BANK1: variants seen among roughly 807,000 people sequenced by gnomAD.
The protein encoded by BANK1 is B cell scaffold protein with ankyrin repeats 1.
A neutral mutation model predicts 94.5 loss-of-function variants in BANK1; 95 were observed. The ratio of observed to expected loss-of-function variants is 1.00; its 90% CI spans 0.85 to 1.19. The LOEUF (loss-of-function observed/expected upper bound fraction) is 1.19. Among genes scored for constraint, BANK1 ranks in the 50% most tolerant of loss-of-function variants. The probability of loss-of-function intolerance (pLI) is 0.00; values close to 1 mark genes in which losing one functional copy is unlikely to be tolerated. For synonymous variants in BANK1, 334 were observed against 308.4 expected (o/e 1.08, Z -0.87); for missense variants, 987 against 932.2 (o/e 1.06, Z -0.77).
At chr4:101,909,553 C>CA (rs930361178) in intron 6 of BANK1, among the ~76,000 whole-genome samples, 6 of 151,966 alleles carry the variant, frequency 3.9e-5, no homozygotes, top group Admixed American at 2.0e-4. Flanking sequence ...CACACACACA[C>CA]AAAAAAATGC....
chr4:102,059,359 G>A (rs752314987), intron 11 of BANK1, among the ~76,000 whole-genome samples: 1 of 152,162 alleles, frequency 6.6e-6, no homozygotes, highest in Non-Finnish European at 1.5e-5. Flanking sequence ...AAAGTATGTT[G>A]CACTTAATGG....
chr4:101,986,818 TATGTGTATATATATGTATATA>T (rs1725499299), intron 7 of BANK1, among the ~76,000 whole-genome samples: 1 of 137,384 alleles, frequency 7.3e-6, no homozygotes. Context: ...TATGTATATA[TATGTGTATATATATGTATATA>T]TATGTGTATA....
At chr4:101,986,897 G>GTATATATATATATATATATA (rs1377407537) in intron 7 of BANK1, among the ~76,000 whole-genome samples, 3 of 58,034 alleles carry the variant, frequency 5.2e-5, no homozygotes, top group East Asian at 3.6e-4. Context: ...GTGTGTGTGT[G>GTATATATATATATATATATA]TGTATATATA....
Position 101,790,806 on chromosome 4 carries a change from G to T in BANK1, c.-75G>T. The T allele has an allele frequency of 2.1e-6, 3 of 1,423,476 alleles. No individual in the cohort carries two copies. The highest frequency in any genetic ancestry group is 2.9e-6 in the Non-Finnish European group (3 of 1,044,988). 88.2% of individuals were successfully genotyped at this position (1,423,476 alleles called of 1,614,324 possible). A position where few individuals can be genotyped will look rare whatever the true frequency, so the allele number is the denominator to read the frequency against. ...GGCCAAAGGAAGAGAAAATCGCGGG[G>T]AGTCTCTGGCCGGGAGAGTCCAGGT... On this transcript the variant is annotated 5_prime_UTR_variant, in exon 1 of 17. Transcript: ENST00000322953.
chr4:102,069,648 G>A (rs562814434), intron 13 of BANK1, among the ~76,000 whole-genome samples: 1 of 152,280 alleles, frequency 6.6e-6, no homozygotes, highest in East Asian at 1.9e-4. Context: ...GTTCACAAAA[G>A]TTCGTGGCAG....
intron 3 of BANK1, among the ~76,000 whole-genome samples, chr4:101,862,122 T>C (rs988105963): frequency 6.6e-6 from 1 of 152,088 alleles, no homozygotes; most frequent in Non-Finnish European, 1.5e-5. Context: ...AACCAAGTTA[T>C]ATAAAGGACT....
At chr4:101,927,176 G>A (rs889624930) in intron 7 of BANK1, among the ~76,000 whole-genome samples, 4 of 151,698 alleles carry the variant, frequency 2.6e-5, no homozygotes, top group South Asian at 2.1e-4. Flanking sequence ...CAATCATGGC[G>A]GAAGGGGAAG....
chr4:101,834,047 A>G (rs978128653), intron 2 of BANK1, among the ~76,000 whole-genome samples: 6 of 152,176 alleles, frequency 3.9e-5, no homozygotes, highest in East Asian at 1.9e-4. Flanking sequence ...CATAATTTCT[A>G]TTTATTCAAA....
At chr4:101,921,208 T>C (rs185097242) in intron 7 of BANK1, among the ~76,000 whole-genome samples, 32 of 152,114 alleles carry the variant, frequency 2.1e-4, no homozygotes, top group African/African-American at 7.2e-4. Context: ...CTATAATCCA[T>C]AAAGTATTTC....
intron 6 of BANK1, among the ~76,000 whole-genome samples, chr4:101,916,362 T>C (rs2148899501): frequency 6.6e-6 from 1 of 152,168 alleles, no homozygotes; most frequent in African/African-American, 2.4e-5. Context: ...TCTGAATGAA[T>C]ATTTACTATT....
intron 7 of BANK1, among the ~76,000 whole-genome samples, chr4:101,937,524 T>A (rs1263625248): frequency 1.3e-5 from 2 of 151,892 alleles, no homozygotes; most frequent in African/African-American, 4.8e-5. Flanking sequence ...GAAATGCAAG[T>A]CAAAACCACA....
chr4:101,865,313 TG>T (rs1332764075), intron 4 of BANK1, among the ~76,000 whole-genome samples: 3 of 152,128 alleles, frequency 2.0e-5, no homozygotes, highest in Non-Finnish European at 4.4e-5. Flanking sequence ...TTTTGATGAA[TG>T]TCTGAAAGCT....
intron 2 of BANK1, among the ~76,000 whole-genome samples, chr4:101,841,815 C>T (rs1295196127): frequency 1.4e-5 from 2 of 140,144 alleles, no homozygotes; most frequent in African/African-American, 2.7e-5. Flanking sequence ...GCAATGTTCC[C>T]CTTCCTGTGT....
intron 1 of BANK1, among the ~76,000 whole-genome samples, chr4:101,820,601 C>T (rs1381704160): frequency 1.3e-5 from 2 of 152,130 alleles, no homozygotes; most frequent in Admixed American, 1.3e-4. Flanking sequence ...CAATAGTTAT[C>T]TTTTCTGCTC....
intron 11 of BANK1, among the ~76,000 whole-genome samples, chr4:102,056,400 A>G (rs1266810224): frequency 6.6e-6 from 1 of 152,198 alleles, no homozygotes; most frequent in African/African-American, 2.4e-5. Context: ...AGAATGATTA[A>G]ATACTTTATT....
At chr4:101,906,473 T>C (rs1431213428) in intron 6 of BANK1, among the ~76,000 whole-genome samples, 1 of 152,130 alleles carries the variant, frequency 6.6e-6, no homozygotes, top group African/African-American at 2.4e-5. Context: ...GCAACCACTT[T>C]TTGCCCAGTG....
At position 101,868,640 on chromosome 4, in the gene BANK1, C is replaced by T. The variant is rs141370646; in HGVS notation, c.764-1865C>T. Among the ~76,000 whole-genome samples, 8 of 152,028 alleles carry T rather than the reference C, an allele frequency of 5.3e-5. No homozygotes were observed. The East Asian group carries it at 1.4e-3, about 26-fold the overall frequency. ...TGGTAAACAGCAACATTTAATTTTA[C>T]TCTCTTCTATTTGAGTCCTTACATT... On this transcript the variant is annotated intron_variant, in intron 4 of 16. Transcript: ENST00000322953.
intron 11 of BANK1, among the ~76,000 whole-genome samples, chr4:102,045,406 C>T (rs1232864185): frequency 1.3e-5 from 2 of 152,112 alleles, no homozygotes; most frequent in African/African-American, 2.4e-5. Flanking sequence ...TCTCTCACCA[C>T]TCCTATTCAA....
chr4:101,921,633 T>C (rs1336300569), intron 7 of BANK1, among the ~76,000 whole-genome samples: 1 of 151,926 alleles, frequency 6.6e-6, no homozygotes, highest in Non-Finnish European at 1.5e-5. Context: ...TACATCAATG[T>C]GTAAATAGAC....
Sources: allele counts gnomAD v4.1 joint callset (sites outside exome capture counted in the v4.1 genomes callset), GRCh38; gene constraint gnomAD v4.1.1; transcripts MANE v1.5; gene names NCBI Gene and HGNC (gene_info 2026-07-23, HGNC 2026-07-21).